The following ERBB4 variants were observed in gnomAD, a reference collection of about 807,000 sequenced individuals.
ERBB4 encodes the protein erb-b2 receptor tyrosine kinase 4.
Under a neutral mutation model 158.0 loss-of-function variants are expected in ERBB4, and 42 were observed. That is an observed-to-expected ratio of 0.27 (90% CI 0.21 to 0.34). ERBB4 has a LOEUF of 0.34. ERBB4 is among the 10% of genes least tolerant of loss of function. The pLI, the probability that ERBB4 is intolerant of heterozygous loss-of-function variation, is 1.00. For missense variants in ERBB4, 1,333 were observed against 1,624.1 expected (o/e 0.82, Z 3.08); for synonymous variants, 583 against 558.7 (o/e 1.04, Z -0.61).
At chr2:212,241,179 C>G (rs1266605477) in intron 1 of ERBB4, among the ~76,000 whole-genome samples, 1 of 151,970 alleles carries the variant, frequency 6.6e-6, no homozygotes. Context: ...TTCGCTTGAG[C>G]CCAGGAGGTT....
intron 1 of ERBB4, among the ~76,000 whole-genome samples, chr2:212,402,796 GAAAT>G (rs534690711): frequency 4.4e-4 from 67 of 151,568 alleles, no homozygotes; most frequent in Non-Finnish European, 8.4e-4. Context: ...TGTACAAAAA[GAAAT>G]AAAAACATTT....
chr2:211,959,117 C>A (rs901240669), intron 2 of ERBB4, among the ~76,000 whole-genome samples: 1 of 152,086 alleles, frequency 6.6e-6, no homozygotes. Flanking sequence ...ATTCATCCAT[C>A]CATCCATCCA....
At chr2:211,966,763 T>C (rs2081321898) in intron 2 of ERBB4, among the ~76,000 whole-genome samples, 1 of 152,104 alleles carries the variant, frequency 6.6e-6, no homozygotes, top group African/African-American at 2.4e-5. Context: ...CAGTATAGCC[T>C]TTAGAACACA....
chr2:212,446,418 C>T (rs1052826446), intron 1 of ERBB4, among the ~76,000 whole-genome samples: 6 of 150,520 alleles, frequency 4.0e-5, no homozygotes, highest in African/African-American at 1.5e-4. Context: ...CCTAGACTCT[C>T]AGCCTGCATC....
intron 1 of ERBB4, among the ~76,000 whole-genome samples, chr2:212,403,664 G>A (rs2091269925): frequency 6.6e-6 from 1 of 152,006 alleles, no homozygotes; most frequent in South Asian, 2.1e-4. Flanking sequence ...CAATTTATAT[G>A]AGATACTAAA....
intron 1 of ERBB4, among the ~76,000 whole-genome samples, chr2:212,232,320 G>T (rs1291925836): frequency 6.6e-6 from 1 of 152,128 alleles, no homozygotes; most frequent in Non-Finnish European, 1.5e-5. Flanking sequence ...AAGAAGAAAT[G>T]CTGTTAAATA....
In ERBB4 at chr2:211,776,749, G is replaced by T. The variant is rs1037295953; in HGVS notation, c.556+11276C>A. On this transcript the variant is annotated intron_variant, in intron 4 of 27. Coordinates refer to ENST00000342788, the MANE Select transcript of ERBB4 (RefSeq NM_005235.3). ...GAATTGGCAGAGGTTTGGCTGAGAG[G>T]ATGACTCATAATTTGAATATGGTTG... is the stretch of plus-strand genomic sequence containing the variant. 2.6e-5 allele frequency among the ~76,000 whole-genome samples: 4 copies of T among 152,136 alleles called. 1 individual carries two copies. Among genetic ancestry groups the T allele is most frequent in the South Asian group, 4.1e-4 (2 of 4,822 alleles).
chr2:212,307,502 T>C (rs2086853883), intron 1 of ERBB4, among the ~76,000 whole-genome samples: 1 of 151,272 alleles, frequency 6.6e-6, no homozygotes, highest in African/African-American at 2.4e-5. Flanking sequence ...TGCCCTTTTT[T>C]ATGTCCACCA....
intron 3 of ERBB4, among the ~76,000 whole-genome samples, chr2:211,839,622 C>A (rs2077426452): frequency 6.6e-6 from 1 of 152,026 alleles, no homozygotes; most frequent in African/African-American, 2.4e-5. Context: ...TATTCTGCAG[C>A]AAAATCATTG....
At position 212,214,431 on chromosome 2, in the gene ERBB4, T is replaced by C. The variant is rs191195073; in HGVS notation, c.83-89528A>G. ...AATATATTTTGGGACATACACTACA[T>C]TATCTTGAATAGTTTTTATACTTCA... On this transcript the variant is annotated intron_variant, in intron 1 of 27. Transcript: ENST00000342788. Among the ~76,000 whole-genome samples, 15 of 152,014 alleles carry C rather than the reference T, an allele frequency of 9.9e-5. No homozygotes were observed. The East Asian group carries it at 2.9e-3, about 29-fold the overall frequency.
At chr2:212,153,228 C>T (rs527923185) in intron 1 of ERBB4, among the ~76,000 whole-genome samples, 2 of 152,124 alleles carry the variant, frequency 1.3e-5, no homozygotes, top group African/African-American at 2.4e-5. Context: ...GGCAAAATAC[C>T]AATTTTTTCT....
rs531804830 is a variant in ERBB4, at chr2:211,618,693, C to A, written c.2301+484G>T. Reference sequence around the variant, plus strand: ...GAATTATTTGTAACAGTGTTTAGCACTTAGCAAATACTTTGTAAATATTAG... The same window carrying A: ...GAATTATTTGTAACAGTGTTTAGCAATTAGCAAATACTTTGTAAATATTAG... On this transcript the variant is annotated intron_variant, in intron 19 of 27. Coordinates refer to ENST00000342788, the MANE Select transcript of ERBB4 (RefSeq NM_005235.3). Among the ~76,000 whole-genome samples the A allele has an allele frequency of 4.6e-5, 7 of 152,194 alleles. No individual in the cohort carries two copies. The South Asian group carries it at 1.4e-3, about 31-fold the overall frequency.
chr2:211,724,421 TG>T (rs2074201360), intron 6 of ERBB4, among the ~76,000 whole-genome samples: 1 of 151,890 alleles, frequency 6.6e-6, no homozygotes, highest in African/African-American at 2.4e-5. Flanking sequence ...AAAATTTCTG[TG>T]TTCATTTTCA....
intron 20 of ERBB4, among the ~76,000 whole-genome samples, chr2:211,533,795 A>T (rs975917371): frequency 6.6e-6 from 1 of 152,116 alleles, no homozygotes; most frequent in Non-Finnish European, 1.5e-5. Context: ...AAATTCATTC[A>T]TATATGACAA....
rs185806100 is a variant in ERBB4, at chr2:211,555,336, C to A, written c.2487+6567G>T. 1.4e-3 allele frequency among the ~76,000 whole-genome samples: 208 copies of A among 152,214 alleles called. 1 individual carries two copies. Among genetic ancestry groups the A allele is most frequent in the African/African-American group, 4.8e-3 (198 of 41,544 alleles). On this transcript the variant is annotated intron_variant, in intron 20 of 27. Transcript: ENST00000342788. ...TAGTAGCTTGGATCACAGGCATGTGCCCCTATGCCCGGCTAATTTTGTATT... is the reference window on the plus strand; with the variant it reads ...TAGTAGCTTGGATCACAGGCATGTGACCCTATGCCCGGCTAATTTTGTATT...
intron 1 of ERBB4, among the ~76,000 whole-genome samples, chr2:212,504,121 T>A (rs1260529483): frequency 1.3e-5 from 2 of 152,154 alleles, no homozygotes; most frequent in Non-Finnish European, 1.5e-5. Context: ...TACATACTGA[T>A]TAGAGACTAC....
chr2:212,301,961 C>T (rs1173268747), intron 1 of ERBB4, among the ~76,000 whole-genome samples: 2 of 151,494 alleles, frequency 1.3e-5, no homozygotes, highest in East Asian at 3.9e-4. Context: ...GTAACATTGG[C>T]AGGGGTATCC....
intron 4 of ERBB4, among the ~76,000 whole-genome samples, chr2:211,785,517 C>T (rs1049709552): frequency 1.3e-5 from 2 of 152,184 alleles, no homozygotes; most frequent in South Asian, 4.1e-4. Flanking sequence ...AAAGCTTTCC[C>T]CCTATATTTT....
chr2:212,275,413 T>C (rs2085494393), intron 1 of ERBB4, among the ~76,000 whole-genome samples: 1 of 151,944 alleles, frequency 6.6e-6, no homozygotes. Flanking sequence ...TTCCTATTTC[T>C]CCACATCCTT....
Sources: allele counts gnomAD v4.1 joint callset (sites outside exome capture counted in the v4.1 genomes callset), GRCh38; gene constraint gnomAD v4.1.1; transcripts MANE v1.5; gene names NCBI Gene and HGNC (gene_info 2026-07-23, HGNC 2026-07-21).